The following GPR26 variants were observed in gnomAD, a reference collection of about 807,000 sequenced individuals.
The protein encoded by GPR26 is G protein-coupled receptor 26.
A neutral mutation model predicts 23.1 loss-of-function variants in GPR26; 15 were observed. The observed-to-expected ratio is 0.65, with a 90% CI of 0.43 to 1.00. The LOEUF is 1.00. GPR26 is among the 50% of genes least tolerant of loss of function. GPR26 has a pLI of 0.00. For missense variants in GPR26, 359 were observed against 470.5 expected, an observed-to-expected ratio of 0.76 and a Z score of 2.19; for synonymous variants, 228 against 222.1, an observed-to-expected ratio of 1.03 and a Z score of -0.24.
At chr10:123,677,550 CT>C (rs1398509216) in intron 2 of GPR26, among the ~76,000 whole-genome samples, 1 of 152,230 alleles carries the variant, frequency 6.6e-6, no homozygotes, top group Non-Finnish European at 1.5e-5. Flanking sequence ...TCTAGAGCAC[CT>C]TTTCTGTGGA....
In GPR26 at chr10:123,695,286, C is replaced by G. The variant is rs149600213; in HGVS notation, c.*7126C>G. Among the ~76,000 whole-genome samples the G allele has an allele frequency of 1.3e-5, 2 of 152,304 alleles. No individual in the cohort carries two copies. The highest frequency in any genetic ancestry group is 3.9e-4 in the East Asian group (2 of 5,190). On this transcript the variant is annotated 3_prime_UTR_variant, in exon 3 of 3. Coordinates refer to ENST00000284674, the MANE Select transcript of GPR26 (RefSeq NM_153442.4). Reference sequence around the variant, plus strand: ...GACGATGTGTACCCCTTGGGGCATGCGTGTGTTCTTAGGAACACCAGCGTG... The same window carrying G: ...GACGATGTGTACCCCTTGGGGCATGGGTGTGTTCTTAGGAACACCAGCGTG...
intron 2 of GPR26, among the ~76,000 whole-genome samples, chr10:123,685,294 G>A (rs1845419185): frequency 6.6e-6 from 1 of 152,224 alleles, no homozygotes; most frequent in Non-Finnish European, 1.5e-5. Flanking sequence ...TCATCCAGAT[G>A]CCTGCCCGGA....
rs555070216 is a variant in GPR26, at chr10:123,696,235, A to G, written c.*8075A>G. Among the ~76,000 whole-genome samples, 6 of 152,136 alleles carry G rather than the reference A, an allele frequency of 3.9e-5. No homozygotes were observed. Among genetic ancestry groups the G allele is most frequent in the Non-Finnish European group, 5.9e-5 (4 of 68,026 alleles). On this transcript the variant is annotated 3_prime_UTR_variant, in exon 3 of 3. Transcript: ENST00000284674. Reference sequence around the variant, plus strand: ...TCATGGAACACACTCATTTCGCCACACGGAGGCTTTACTCTGCCCAGTGTC... The same window carrying G: ...TCATGGAACACACTCATTTCGCCACGCGGAGGCTTTACTCTGCCCAGTGTC...
At chr10:123,667,688 A>C (rs1327459688) in intron 1 of GPR26, among the ~76,000 whole-genome samples, 1 of 151,494 alleles carries the variant, frequency 6.6e-6, no homozygotes, top group Non-Finnish European at 1.5e-5. Flanking sequence ...CCCAGAGAGC[A>C]CTGTCCAATG....
intron 1 of GPR26, among the ~76,000 whole-genome samples, chr10:123,672,284 TG>T (rs1468817433): frequency 1.2e-4 from 19 of 152,312 alleles, no homozygotes; most frequent in Middle Eastern, 3.4e-3. Context: ...ATCTGTGATC[TG>T]GGGTGCGTGG....
At chr10:123,678,362 C>T (rs1355709055) in intron 2 of GPR26, among the ~76,000 whole-genome samples, 1 of 152,090 alleles carries the variant, frequency 6.6e-6, no homozygotes, top group Non-Finnish European at 1.5e-5. Flanking sequence ...TCCATGTCAG[C>T]CACTCTAAGA....
Position 123,694,000 on chromosome 10 carries a change from C to T in GPR26, c.*5840C>T, listed in dbSNP as rs1845517037. 6.7e-6 allele frequency: 1 copy of T among 150,012 alleles called. No homozygotes were observed. The highest frequency in any genetic ancestry group is 1.5e-5 in the Non-Finnish European group (1 of 66,644). 9.3% of individuals were successfully genotyped at this position (150,012 alleles called of 1,614,324 possible). On this transcript the variant is annotated 3_prime_UTR_variant, in exon 3 of 3. Coordinates refer to ENST00000284674, the MANE Select transcript of GPR26 (RefSeq NM_153442.4). ...GCATGTGGCAGCTGCAGGCTGTGGT[C>T]CAGAACTATGAGCAGACTTGCCTGT...
intron 1 of GPR26, among the ~76,000 whole-genome samples, chr10:123,669,056 C>T (rs1845221607): frequency 6.6e-6 from 1 of 152,204 alleles, no homozygotes; most frequent in East Asian, 1.9e-4. Context: ...CTCCATTCCT[C>T]TGGGAGGACC....
chr10:123,681,700 G>C (rs1467759907), intron 2 of GPR26, among the ~76,000 whole-genome samples: 1 of 152,204 alleles, frequency 6.6e-6, no homozygotes, highest in Non-Finnish European at 1.5e-5. Flanking sequence ...CTTCACATTT[G>C]CCTGTTAACT....
chr10:123,687,869 T>C (rs1427749926), intron 2 of GPR26, 60 bp from the exon 3 acceptor site: 2 of 1,210,888 alleles, frequency 1.7e-6, no homozygotes, highest in African/African-American at 3.0e-5. Context: ...CCCTGGCCCA[T>C]GGCCACTCCC....
chr10:123,676,796 CTT>C (rs1845315672), intron 2 of GPR26, among the ~76,000 whole-genome samples: 1 of 152,214 alleles, frequency 6.6e-6, no homozygotes, highest in Admixed American at 6.5e-5. Flanking sequence ...TGCTGTGTGA[CTT>C]TGGGTCAGTG....
At position 123,674,694 on chromosome 10, in the gene GPR26, G is replaced by T; in HGVS notation, c.669-124G>T. ...TAGCTACAGCCAAGAGTTGACGCTG[G>T]GTCTTTCCGACTCCATAGTCAAGTT... On this transcript the variant is annotated intron_variant, in intron 1 of 2. Transcript: ENST00000284674. This position sits in a 1 kb window ranked among gnomAD's most constrained non-coding sequence, Gnocchi z 4.1. 1 of 626,214 alleles carries T rather than the reference G, an allele frequency of 1.6e-6. No individual in the cohort carries two copies. The highest frequency in any genetic ancestry group is 2.9e-6 in the Non-Finnish European group (1 of 350,560). The allele number at this position is 626,214 out of a possible 1,614,324, so 38.8% of individuals were successfully genotyped here.
rs1188960834 is a variant in GPR26, at chr10:123,688,193, A to T, written c.*33A>T. On this transcript the variant is annotated 3_prime_UTR_variant, in exon 3 of 3. Transcript: ENST00000284674. ...CGCTCCTGCTGAAGAGTTTAGAATG[A>T]GGCAGCGGTGAGAAGAAGGGTGGGA... 1 of 715,526 alleles carries T rather than the reference A, an allele frequency of 1.4e-6. No individual in the cohort carries two copies. The highest frequency in any genetic ancestry group is 2.3e-6 in the Non-Finnish European group (1 of 436,730). 44.3% of individuals were successfully genotyped at this position (715,526 alleles called of 1,614,324 possible).
chr10:123,681,399 C>T (rs1325242561), intron 2 of GPR26, among the ~76,000 whole-genome samples: 1 of 152,190 alleles, frequency 6.6e-6, no homozygotes, highest in East Asian at 1.9e-4. Context: ...TGACTGAAAC[C>T]AAGTTGTTCA....
chr10:123,673,075 A>C lies in GPR26; in HGVS notation c.669-1743A>C, dbSNP rs78094771. Among the ~76,000 whole-genome samples, 168 of 152,330 alleles carry C rather than the reference A, an allele frequency of 1.1e-3. 1 individual carries two copies. The East Asian group carries it at 0.022, about 20-fold the overall frequency. ...TGCTAATTAATATTAATTTCTAGAA[A>C]TTAATTAGTAATATTAGTCATGAGT... On this transcript the variant is annotated intron_variant, in intron 1 of 2. Coordinates refer to ENST00000284674, the MANE Select transcript of GPR26 (RefSeq NM_153442.4).
chr10:123,687,533 G>C (rs902138505), intron 2 of GPR26, among the ~76,000 whole-genome samples: 1 of 152,174 alleles, frequency 6.6e-6, no homozygotes, highest in Non-Finnish European at 1.5e-5. Context: ...TAATAGCTGG[G>C]TTCTCAGTGC....
intron 2 of GPR26, among the ~76,000 whole-genome samples, chr10:123,678,943 C>T (rs748219): frequency 0.35 from 52,908 of 152,002 alleles, 9,417 homozygotes; most frequent in Non-Finnish European, 0.37. Context: ...TGAGGAGAAG[C>T]CAATTAATGG....
intron 2 of GPR26, among the ~76,000 whole-genome samples, chr10:123,682,394 G>A (rs1485167218): frequency 6.6e-6 from 1 of 152,164 alleles, no homozygotes; most frequent in African/African-American, 2.4e-5. Context: ...TGGGGCACAC[G>A]AGGCCACAGT....
intron 1 of GPR26, among the ~76,000 whole-genome samples, chr10:123,670,456 A>T (rs1564729712): frequency 6.6e-6 from 1 of 152,192 alleles, no homozygotes; most frequent in African/African-American, 2.4e-5. Context: ...GTGTCTATAG[A>T]GACTTAGATG....
Sources: allele counts gnomAD v4.1 joint callset (sites outside exome capture counted in the v4.1 genomes callset), GRCh38; gene constraint gnomAD v4.1.1; non-coding constraint Gnocchi (gnomAD v3.1); transcripts MANE v1.5; gene names NCBI Gene and HGNC (gene_info 2026-07-23, HGNC 2026-07-21).